RARB: variants seen among roughly 807,000 people sequenced by gnomAD.
RARB encodes the protein retinoic acid receptor beta.
In RARB, 17 loss-of-function variants were observed where a neutral mutation model predicts 51.9. The observed-to-expected ratio is 0.33, with a 90% confidence interval of 0.22 to 0.49. The LOEUF (loss-of-function observed/expected upper bound fraction) is 0.49. Among genes scored for constraint, RARB ranks in the 20% least tolerant of loss-of-function variants. RARB has a pLI of 0.99. For missense variants in RARB, 369 were observed against 550.8 expected (o/e 0.67, Z 3.30); for synonymous variants, 215 against 195.4 (o/e 1.10, Z -0.84).
At chr3:25,247,529 A>G (rs956077296) in intron 5 of RARB, among the ~76,000 whole-genome samples, 5 of 152,188 alleles carry the variant, frequency 3.3e-5, no homozygotes, top group African/African-American at 1.2e-4. Flanking sequence ...AAATAGCTCC[A>G]TCCCTCATGG....
intron 4 of RARB, among the ~76,000 whole-genome samples, chr3:25,163,129 T>G (rs1559488216): frequency 6.6e-6 from 1 of 152,210 alleles, no homozygotes; most frequent in Non-Finnish European, 1.5e-5. Context: ...GAATGTCCTA[T>G]TATGTGTCAG....
intron 4 of RARB, 52 bp downstream of exon 4, chr3:25,569,970 G>A: frequency 1.3e-6 from 2 of 1,522,412 alleles, no homozygotes; most frequent in Non-Finnish European, 1.8e-6. Context: ...CCTTGTACGT[G>A]CATGTGTGCA....
intron 2 of RARB, among the ~76,000 whole-genome samples, chr3:24,998,828 G>A (rs980165569): frequency 2.8e-5 from 4 of 142,184 alleles, no homozygotes; most frequent in Admixed American, 1.4e-4. Context: ...TTTCAAACTT[G>A]GTTGGTGCCA....
chr3:24,849,482 G>T (rs555340290), intron 1 of RARB, among the ~76,000 whole-genome samples: 12 of 152,198 alleles, frequency 7.9e-5, no homozygotes, highest in Non-Finnish European at 1.3e-4. Flanking sequence ...ATAGGGTTAG[G>T]TTCCTGTGAG....
Position 24,927,904 on chromosome 3 carries a change from A to T in RARB, c.-380+69152A>T, listed in dbSNP as rs77339779. Among the ~76,000 whole-genome samples, 74 of 152,222 alleles carry T rather than the reference A, an allele frequency of 4.9e-4. 2 individuals carry two copies. In the East Asian group the frequency reaches 0.013, roughly 27 times the overall value. On this transcript the variant is annotated intron_variant, in intron 2 of 11. Coordinates refer to the RARB transcript ENST00000383772. ...TTTACTGTGCTCCGCAGCAAAAGTG[A>T]CAAACACATGTCAAAGGATTACTTT...
At chr3:25,090,355 T>G (rs1699175426) in intron 3 of RARB, among the ~76,000 whole-genome samples, 1 of 152,182 alleles carries the variant, frequency 6.6e-6, no homozygotes, top group Non-Finnish European at 1.5e-5. Context: ...TCTAACAGCT[T>G]TGCATTTCAA....
intron 5 of RARB, among the ~76,000 whole-genome samples, chr3:25,374,937 C>A (rs894156607): frequency 2.6e-5 from 4 of 151,988 alleles, no homozygotes; most frequent in African/African-American, 9.7e-5. Context: ...ATTTTTTTTC[C>A]TTCCTTTTTT....
At chr3:25,323,515 T>C (rs1704629232) in intron 5 of RARB, among the ~76,000 whole-genome samples, 1 of 152,252 alleles carries the variant, frequency 6.6e-6, no homozygotes, top group Admixed American at 6.5e-5. Flanking sequence ...CCCAAGGATT[T>C]TCTTATAACA....
intron 2 of RARB, among the ~76,000 whole-genome samples, chr3:24,888,810 G>A (rs1002290787): frequency 1.3e-5 from 2 of 152,194 alleles, no homozygotes; most frequent in Non-Finnish European, 2.9e-5. Context: ...TGTAGAATAT[G>A]TGGTTCAGTC....
intron 2 of RARB, among the ~76,000 whole-genome samples, chr3:24,966,663 G>T (rs1430296554): frequency 2.0e-5 from 3 of 147,714 alleles, no homozygotes; most frequent in Non-Finnish European, 4.5e-5. Flanking sequence ...CTAACAAGAA[G>T]CAGAACAGTA....
intron 5 of RARB, among the ~76,000 whole-genome samples, chr3:25,219,155 A>C (rs117777908): frequency 0.03 from 4,561 of 152,268 alleles, 96 homozygotes; most frequent in East Asian, 0.045. Context: ...AAGTGGAAGA[A>C]AACATTTTAT....
In RARB at chr3:25,455,708, C is replaced by CA. The variant is rs534422606; in HGVS notation, c.158-5483dup. Among the ~76,000 whole-genome samples, 57 of 152,268 alleles carry CA rather than the reference C, an allele frequency of 3.7e-4. 1 individual carries two copies. In the East Asian group the frequency reaches 0.01, roughly 27 times the overall value. ...TGCTCTGGGCGGGGACCCACAGAGC[C>CA]AAGCATCCATCTCACCCGAGTAGCA... On this transcript the variant is annotated intron_variant, in intron 1 of 7. Coordinates refer to ENST00000330688, the MANE Select transcript of RARB (RefSeq NM_000965.5).
intron 1 of RARB, among the ~76,000 whole-genome samples, chr3:24,855,298 A>G (rs1702617028): frequency 6.6e-6 from 1 of 152,206 alleles, no homozygotes; most frequent in African/African-American, 2.4e-5. Context: ...AAAACAGCAA[A>G]GGTCCTGGGG....
At chr3:24,885,730 A>G (rs1703255243) in intron 2 of RARB, among the ~76,000 whole-genome samples, 1 of 152,158 alleles carries the variant, frequency 6.6e-6, no homozygotes, top group Non-Finnish European at 1.5e-5. Flanking sequence ...AGACTTTGGG[A>G]CATGAAGAAA....
At chr3:24,918,822 C>A (rs1695159558) in intron 2 of RARB, among the ~76,000 whole-genome samples, 1 of 152,150 alleles carries the variant, frequency 6.6e-6, no homozygotes, top group African/African-American at 2.4e-5. Flanking sequence ...ACCCAGGATG[C>A]AGAGGTTGCA....
rs1575163102 is a variant in RARB at position 25,106,451 on chromosome 3, G to GGTT, written c.-327-25710_-327-25709insGTT. The stretch of plus-strand genomic sequence containing the variant: ...CCACCATGCCCAGCTACTGTTTTTT[G>GGTT]TTTTTTGTTTTTTTTTGTTTTGTTT... On this transcript the variant is annotated intron_variant, in intron 3 of 11. Transcript: ENST00000383772. Among the ~76,000 whole-genome samples, 284 of 70,466 alleles carry GGTT rather than the reference G, an allele frequency of 4.0e-3. 35 individuals carry two copies. The highest frequency in any genetic ancestry group is 0.01 in the African/African-American group (163 of 16,154). The allele number at this position is 70,466 out of a possible 152,430, so 46.2% of individuals were successfully genotyped here.
chr3:25,009,636 T>A (rs1697351835), intron 2 of RARB, among the ~76,000 whole-genome samples: 1 of 152,084 alleles, frequency 6.6e-6, no homozygotes, highest in African/African-American at 2.4e-5. Context: ...GCTGAAACAC[T>A]TAGGCATTTC....
chr3:25,168,105 C>A (rs1435618470), intron 4 of RARB, among the ~76,000 whole-genome samples: 1 of 151,846 alleles, frequency 6.6e-6, no homozygotes, highest in Non-Finnish European at 1.5e-5. Flanking sequence ...GCAGACAATA[C>A]AAATGAGAAA....
At chr3:25,230,255 C>A (rs966074293) in intron 5 of RARB, among the ~76,000 whole-genome samples, 1 of 152,066 alleles carries the variant, frequency 6.6e-6, no homozygotes, top group Non-Finnish European at 1.5e-5. Flanking sequence ...ACCGAACATA[C>A]TTATTCTCTG....
Sources: allele counts gnomAD v4.1 joint callset (sites outside exome capture counted in the v4.1 genomes callset), GRCh38; gene constraint gnomAD v4.1.1; transcripts MANE v1.5; gene names NCBI Gene and HGNC (gene_info 2026-07-23, HGNC 2026-07-21).